The following MGRN1 variants were observed in gnomAD, a reference collection of about 807,000 sequenced individuals.
The protein encoded by MGRN1 is mahogunin ring finger 1.
MGRN1 carries 29 observed loss-of-function variants against 69.2 expected under a neutral mutation model. The observed-to-expected ratio is 0.42, with a 90% confidence interval of 0.31 to 0.57. MGRN1 has a LOEUF of 0.57. MGRN1 is among the 20% of genes least tolerant of loss of function. The probability of loss-of-function intolerance (pLI) is 0.15; values close to 1 mark genes in which losing one functional copy is unlikely to be tolerated. For synonymous variants in MGRN1, 470 were observed against 344.2 expected (o/e 1.37, Z -4.04); for missense variants, 998 against 796.2 (o/e 1.25, Z -3.05).
chr16:4,678,075 G>T (rs2079092638), intron 11 of MGRN1, among the ~76,000 whole-genome samples: 1 of 152,160 alleles, frequency 6.6e-6, no homozygotes, highest in African/African-American at 2.4e-5. Context: ...TCGAACTCTT[G>T]GGCTCAAGTG....
intron 16 of MGRN1, chr16:4,687,312 G>C (rs114287408): frequency 1.0e-6 from 1 of 981,074 alleles, no homozygotes; most frequent in Non-Finnish European, 1.2e-6. Flanking sequence ...TACTTTGGGA[G>C]ACCGAGGGGA....
chr16:4,665,204 G>T, intron 7 of MGRN1, 53 bp downstream of exon 7: 1 of 1,602,478 alleles, frequency 6.2e-7, no homozygotes, highest in South Asian at 1.1e-5. Flanking sequence ...TGGGCAGGGG[G>T]TGGCCTTTTG....
chr16:4,650,017 T>G (rs956232118), intron 1 of MGRN1: 7 of 190,506 alleles, frequency 3.7e-5, no homozygotes, highest in Admixed American at 3.0e-4. Context: ...GATAACTGTT[T>G]CCAGGCTGGG....
intron 1 of MGRN1, among the ~76,000 whole-genome samples, chr16:4,630,048 C>CAAAAA (rs1166734489): frequency 6.8e-5 from 3 of 43,888 alleles, no homozygotes; most frequent in South Asian, 8.2e-4. Flanking sequence ...GACACCATCT[C>CAAAAA]AAAAAAAAAA....
chr16:4,669,199 C>T (rs544039813), intron 8 of MGRN1: 2 of 152,146 alleles, frequency 1.3e-5, no homozygotes, highest in Non-Finnish European at 2.9e-5. Flanking sequence ...TTCGGGAGGC[C>T]GAGGTGGGCA....
At chr16:4,677,808 G>A (rs1364269378) in intron 11 of MGRN1, among the ~76,000 whole-genome samples, 4 of 150,490 alleles carry the variant, frequency 2.7e-5, no homozygotes, top group African/African-American at 4.9e-5. Flanking sequence ...AAGGCTGAGC[G>A]CGGTCGAGGT....
chr16:4,664,525 AAC>A (rs774091413), intron 5 of MGRN1, 182 bp from the exon 6 acceptor site: 10 of 626,430 alleles, frequency 1.6e-5, no homozygotes, highest in African/African-American at 1.8e-5. Context: ...TATCTGTTTT[AAC>A]ACACACATAA....
chr16:4,644,313 T>G (rs902200381), intron 1 of MGRN1, among the ~76,000 whole-genome samples: 6 of 148,030 alleles, frequency 4.1e-5, no homozygotes, highest in Middle Eastern at 3.3e-3. Context: ...CAGTTTTTTT[T>G]TTTTTTTTTT....
chr16:4,654,605 G>A (rs1020535019), intron 4 of MGRN1, among the ~76,000 whole-genome samples: 2 of 152,242 alleles, frequency 1.3e-5, no homozygotes, highest in African/African-American at 4.8e-5. Flanking sequence ...GAGAGCCTAG[G>A]CTTTGAATGC....
intron 5 of MGRN1, chr16:4,664,277 G>A (rs1022027031): frequency 5.0e-5 from 13 of 259,500 alleles, no homozygotes; most frequent in Non-Finnish European, 8.3e-5. Context: ...CACCTGTTGT[G>A]CAATTCCATG....
chr16:4,655,847 G>A (rs2078525142), intron 4 of MGRN1, among the ~76,000 whole-genome samples: 1 of 152,254 alleles, frequency 6.6e-6, no homozygotes, highest in Non-Finnish European at 1.5e-5. Flanking sequence ...CTGAGGCTCA[G>A]ACAGAGGGGT....
chr16:4,685,545 A>T (rs1451957548), intron 16 of MGRN1, among the ~76,000 whole-genome samples: 1 of 152,224 alleles, frequency 6.6e-6, no homozygotes, highest in Non-Finnish European at 1.5e-5. Context: ...CCGCTCTTGG[A>T]GTTGGCTGCT....
In MGRN1 at chr16:4,661,143, A is replaced by AT. The variant is rs112367751; in HGVS notation, c.562-3551dup. On this transcript the variant is annotated intron_variant, in intron 5 of 16. Coordinates refer to ENST00000262370, the MANE Select transcript of MGRN1 (RefSeq NM_015246.4). Reference sequence around the variant, plus strand: ...CTACAGGTGCCACAACTACTGGCTGATTTTTTTTTTTTTTTGGTAGAGACA... The same window carrying AT: ...CTACAGGTGCCACAACTACTGGCTGATTTTTTTTTTTTTTTTGGTAGAGACA... Among the ~76,000 whole-genome samples, 832 of 145,014 alleles carry AT rather than the reference A, an allele frequency of 5.7e-3. 2 individuals carry two copies. Among genetic ancestry groups the AT allele is most frequent in the African/African-American group, 7.7e-3 (302 of 39,236 alleles).
chr16:4,633,758 C>G (rs1294597895), intron 1 of MGRN1: 1 of 151,948 alleles, frequency 6.6e-6, no homozygotes, highest in Non-Finnish European at 1.5e-5. Context: ...CACTCTTTCT[C>G]CCAGGCCGGA....
chr16:4,672,429 CA>C, intron 9 of MGRN1: 1 of 456,756 alleles, frequency 2.2e-6, no homozygotes, highest in South Asian at 1.5e-5. Flanking sequence ...AGGCCCGCTT[CA>C]TTATGGCATC....
At chr16:4,644,445 G>A (rs2078232850) in intron 1 of MGRN1, among the ~76,000 whole-genome samples, 1 of 151,674 alleles carries the variant, frequency 6.6e-6, no homozygotes, top group Non-Finnish European at 1.5e-5. Flanking sequence ...CAAGTAGCTG[G>A]GATTACAGGC....
chr16:4,658,164 C>G (rs183365207), intron 5 of MGRN1, among the ~76,000 whole-genome samples: 111 of 152,260 alleles, frequency 7.3e-4, no homozygotes, highest in Admixed American at 2.2e-3. Context: ...CCTCCTTCCC[C>G]CTTTGCCTTG....
In MGRN1 at chr16:4,681,717, C is replaced by T. The variant is rs747705148; in HGVS notation, c.1299C>T (p.Ile433=). 3.1e-6 allele frequency: 5 copies of T among 1,613,180 alleles called. No homozygotes were observed. Among genetic ancestry groups the T allele is most frequent in the Non-Finnish European group, 2.5e-6 (3 of 1,179,930 alleles). ...LSQASCPLAA[I]DHILDSSRQK... ...AGGCCAGCTGTCCCCTCGCGGCTAT[C>T]GACCACATCCTGGACAGCAGCCGCC... is the stretch of plus-strand genomic sequence containing the variant. Residue 433 remains isoleucine (I), a synonymous_variant, in exon 13 of 17, where the codon ATC becomes ATT. Transcript: ENST00000262370.
rs536507451 is a variant in MGRN1, at chr16:4,683,298, C to T, written c.1528+29C>T. 129 of 1,612,736 alleles carry T rather than the reference C, an allele frequency of 8.0e-5. 2 individuals are homozygous for T. In the Middle Eastern group the frequency reaches 1.3e-3, roughly 17 times the overall value. Reference sequence around the variant, plus strand: ...AGCGCCTCCTTCCATGGGCACAAACCGCATGCAGGGACCAGGCAGCCCTGG... The same window carrying T: ...AGCGCCTCCTTCCATGGGCACAAACTGCATGCAGGGACCAGGCAGCCCTGG... On this transcript the variant is annotated intron_variant, in intron 15 of 16. Transcript: ENST00000262370.
Sources: gnomAD v4.1 joint callset for allele counts (sites outside exome capture counted in the v4.1 genomes callset) on GRCh38, gnomAD v4.1.1 for gene constraint, MANE v1.5 for transcripts, NCBI Gene and HGNC (gene_info 2026-07-23, HGNC 2026-07-21) for gene names.